Variants in GABRQ observed in about 807,000 individuals in gnomAD.
The protein encoded by GABRQ is gamma-aminobutyric acid type A receptor subunit theta, also known as gamma-aminobutyric acid receptor subunit theta.
In GABRQ, 19 loss-of-function variants were observed where a neutral mutation model predicts 30.5. That is an observed-to-expected ratio of 0.62 (90% CI 0.43 to 0.91). The LOEUF (loss-of-function observed/expected upper bound fraction) is 0.91, where lower values mean the gene tolerates loss of function less well. GABRQ is among the 40% of genes least tolerant of loss of function. GABRQ has a pLI of 0.00. For synonymous variants in GABRQ, 187 were observed against 210.2 expected (o/e 0.89, Z 0.95); for missense variants, 520 against 521.4 (o/e 1.00, Z 0.03).
At chrX:152,650,709 A>G (rs1432802442) in intron 7 of GABRQ, 129 bp downstream of exon 7, 2 of 526,085 alleles carry the variant, frequency 3.8e-6, no homozygotes, top group Non-Finnish European at 6.5e-6. Context: ...GATTTTTCCA[A>G]TAGACATTTG....
At position 152,653,154 on chromosome X, in the gene GABRQ, C is replaced by A. The variant is rs781968714; in HGVS notation, c.1772C>A (p.Thr591Asn). Reference sequence around the variant, plus strand: ...CCCCCAAGCCCTGGGTGCTCCTTCACTGAAGGGTTCTCCTTCGATCTCTTT... The same window carrying A: ...CCCCCAAGCCCTGGGTGCTCCTTCAATGAAGGGTTCTCCTTCGATCTCTTT... ...SCPPSPGCSFTEGFSFDLFNP... is the reference protein window; with the variant it reads ...SCPPSPGCSFNEGFSFDLFNP... Residue 591 changes from threonine (T) to asparagine (N), a missense_variant, in exon 9 of 9, where the codon ACT (threonine) becomes AAT (asparagine). Transcript: ENST00000598523. 26 of 1,211,127 alleles carry A rather than the reference C, an allele frequency of 2.1e-5. No homozygotes were observed. The South Asian group carries it at 3.7e-4, about 17-fold the overall frequency.
chrX:152,642,808 C>T (rs1930789867), intron 2 of GABRQ, among the ~76,000 whole-genome samples: 1 of 111,690 alleles, frequency 9.0e-6, no homozygotes, highest in Non-Finnish European at 1.9e-5. Context: ...TCATCCCCTC[C>T]CCACCCCCAT....
intron 2 of GABRQ, among the ~76,000 whole-genome samples, chrX:152,641,880 C>A: frequency 8.9e-6 from 1 of 111,948 alleles, no homozygotes; most frequent in South Asian, 3.7e-4. Flanking sequence ...TTTTGTCTTG[C>A]CTTTCTCACG....
chrX:152,640,556 G>A, intron 2 of GABRQ, 90 bp downstream of exon 2: 1 of 583,716 alleles, frequency 1.7e-6, no homozygotes, highest in Non-Finnish European at 3.1e-6. Flanking sequence ...GCTGACCAGT[G>A]GTATCCTGCG....
rs1286511142 is a variant in GABRQ, at chrX:152,638,079, CTT to C, written c.-122_-121del. 14 of 613,574 alleles carry C rather than the reference CTT, an allele frequency of 2.3e-5. No homozygotes were observed. Among genetic ancestry groups the C allele is most frequent in the Non-Finnish European group, 3.2e-5 (13 of 402,452 alleles). 50.6% of individuals were successfully genotyped at this position (613,574 alleles called of 1,213,427 possible). A position where few individuals can be genotyped will look rare whatever the true frequency, so the allele number is the denominator to read the frequency against. ...CGCTGCTCTCTCCTTAGAGGCGACT[CTT>C]TGGGGAAGGGCCAGCAATCCCGCCT... is the stretch of plus-strand genomic sequence containing the variant. On this transcript the variant is annotated 5_prime_UTR_variant, in exon 1 of 9. Coordinates refer to ENST00000598523, the MANE Select transcript of GABRQ (RefSeq NM_018558.4).
At position 152,651,582 on chromosome X, in the gene GABRQ, C is replaced by T. The variant is rs782392033; in HGVS notation, c.958C>T (p.Pro320Ser). The stretch of plus-strand genomic sequence containing the variant: ...CGACTCACATCTGCGGGATAAGCTC[C>T]CCAACATTTCCTGTATCAAGGCCAT... Reference protein sequence around the residue: ...TIDSHLRDKLPNISCIKAIDI... With the variant: ...TIDSHLRDKLSNISCIKAIDI... Residue 320 changes from proline to serine, a missense_variant, in exon 8 of 9, where the codon CCC (proline) becomes TCC (serine). Pro to Ser is a moderately conservative substitution (Grantham distance 74). Transcript: ENST00000598523. The T allele has an allele frequency of 4.1e-6, 5 of 1,205,530 alleles. No individual in the cohort carries two copies. In the Admixed American group the frequency reaches 1.1e-4, roughly 26 times the overall value.
At chrX:152,646,228 T>C (rs1431283668) in intron 3 of GABRQ, among the ~76,000 whole-genome samples, 3 of 112,427 alleles carry the variant, frequency 2.7e-5, no homozygotes, top group Non-Finnish European at 5.6e-5. Context: ...AAATAAAACC[T>C]GAATGAGAAC....
Position 152,655,605 on chromosome X carries a change from G to A in GABRQ, c.*2324G>A, listed in dbSNP as rs193212927. Reference sequence around the variant, plus strand: ...AAACAAGAAAGTTACCACTGGAAGAGCTAAAATTGCCTCTTTATTTTTGGA... The same window carrying A: ...AAACAAGAAAGTTACCACTGGAAGAACTAAAATTGCCTCTTTATTTTTGGA... On this transcript the variant is annotated 3_prime_UTR_variant, in exon 9 of 9. Coordinates refer to ENST00000598523, the MANE Select transcript of GABRQ (RefSeq NM_018558.4). 1 of 112,228 alleles carries A rather than the reference G, an allele frequency of 8.9e-6. No individual in the cohort carries two copies. The highest frequency in any genetic ancestry group is 2.8e-4 in the East Asian group (1 of 3,557). 9.2% of individuals were successfully genotyped at this position (112,228 alleles called of 1,213,427 possible).
rs782396610 is a variant in GABRQ, at chrX:152,652,854, A to G, written c.1472A>G (p.His491Arg). The G allele has an allele frequency of 1.1e-5, 13 of 1,209,644 alleles. No homozygotes were observed. In the African/African-American group the frequency reaches 1.7e-4, roughly 16 times the overall value. The change falls in exon 9 of 9, where the codon CAT becomes CGT. Residue 491 changes from histidine to arginine, a missense_variant. His to Arg is a conservative substitution (Grantham distance 29). Coordinates refer to ENST00000598523, the MANE Select transcript of GABRQ (RefSeq NM_018558.4). ...EIRNRVEAHG[H>R]GVTHDHEDSN... ...CGCAACCGTGTCGAAGCCCATGGCC[A>G]TGGTGTTACCCATGACCATGAAGAT...
intron 2 of GABRQ, among the ~76,000 whole-genome samples, chrX:152,642,722 G>C (rs1353558188): frequency 7.1e-5 from 8 of 112,077 alleles, no homozygotes; most frequent in Non-Finnish European, 1.5e-4. Context: ...GCCTTCCTGA[G>C]GGGGCAGGGT....
At position 152,651,616 on chromosome X, in the gene GABRQ, A is replaced by G. The variant is rs782136907; in HGVS notation, c.992A>G (p.Tyr331Cys). Residue 331 changes from tyrosine to cysteine, a missense_variant, in exon 8 of 9, where the codon TAT becomes TGT. Transcript: ENST00000598523. Reference protein sequence around the residue: ...NISCIKAIDIYILVCLFFVFL... With the variant: ...NISCIKAIDICILVCLFFVFL... ...TCCTGTATCAAGGCCATTGATATCT[A>G]TATCCTCGTGTGCTTGTTCTTTGTG... is the stretch of plus-strand genomic sequence containing the variant. 5.8e-6 allele frequency: 7 copies of G among 1,208,022 alleles called. No homozygotes were observed. The highest frequency in any genetic ancestry group is 7.8e-6 in the Non-Finnish European group (7 of 891,845).
Position 152,655,503 on chromosome X carries a change from G to A in GABRQ, c.*2222G>A, listed in dbSNP as rs1312548387. The A allele has an allele frequency of 5.3e-5, 6 of 112,767 alleles. No homozygotes were observed. Among genetic ancestry groups the A allele is most frequent in the Admixed American group, 3.7e-4 (4 of 10,674 alleles). 9.3% of individuals were successfully genotyped at this position (112,767 alleles called of 1,213,427 possible). A position where few individuals can be genotyped will look rare whatever the true frequency, so the allele number is the denominator to read the frequency against. On this transcript the variant is annotated 3_prime_UTR_variant, in exon 9 of 9. Coordinates refer to ENST00000598523, the MANE Select transcript of GABRQ (RefSeq NM_018558.4). ...TCGGGGTAACAGGCTGGGGAGTGAG[G>A]CTGAAAGAGGCATTGAGAATAGACA... is the stretch of plus-strand genomic sequence containing the variant.
intron 2 of GABRQ, among the ~76,000 whole-genome samples, chrX:152,645,133 G>A (rs1413367191): frequency 2.7e-5 from 3 of 111,757 alleles, no homozygotes; most frequent in Admixed American, 1.9e-4. Flanking sequence ...ACACACATGT[G>A]CTCCCACAAA....
intron 2 of GABRQ, among the ~76,000 whole-genome samples, chrX:152,642,161 G>C (rs1215016685): frequency 8.9e-6 from 1 of 111,806 alleles, no homozygotes; most frequent in Non-Finnish European, 1.9e-5. Context: ...AAACAGAAGG[G>C]GGCACCACAG....
chrX:152,652,421 CAA>C (rs1319015490), intron 8 of GABRQ, 118 bp from the exon 9 acceptor site: 2 of 636,905 alleles, frequency 3.1e-6, no homozygotes, highest in African/African-American at 4.5e-5. Flanking sequence ...CTCTATCTGT[CAA>C]AGAGATCAGT....
At chrX:152,651,399 TAAAG>T in intron 7 of GABRQ, 123 bp from the exon 8 acceptor site, 1 of 516,722 alleles carries the variant, frequency 1.9e-6, no homozygotes, top group Admixed American at 3.1e-5. Flanking sequence ...GGAAAAGGAA[TAAAG>T]AGAGAGCCGA....
Position 152,650,490 on chromosome X carries a change from C to G in GABRQ, c.811C>G (p.Gln271Glu). 8.3e-7 allele frequency: 1 copy of G among 1,199,083 alleles called. No individual in the cohort carries two copies. The highest frequency in any genetic ancestry group is 1.1e-6 in the Non-Finnish European group (1 of 884,003). Residue 271 changes from glutamine (Q) to glutamate (E), a missense_variant, in exon 7 of 9, where the codon CAA (glutamine) becomes GAA (glutamate). Gln to Glu is a conservative substitution (Grantham distance 29). Transcript: ENST00000598523. The stretch of plus-strand genomic sequence containing the variant: ...GAGGGAAGTTAACAGCTACCTTGTG[C>G]AAGTCTACTGGCCTACTGTCCTCAC... ...VQREVNSYLV[Q>E]VYWPTVLTTI...
At chrX:152,641,081 C>A (rs5925191) in intron 2 of GABRQ, among the ~76,000 whole-genome samples, 31,207 of 110,923 alleles carry the variant, frequency 0.28, 4,505 homozygotes, top group African/African-American at 0.57. Flanking sequence ...TCAGCCTAGT[C>A]CTCAGATCTC....
chrX:152,653,347 T>G lies in GABRQ; in HGVS notation c.*66T>G. On this transcript the variant is annotated 3_prime_UTR_variant, in exon 9 of 9. Transcript: ENST00000598523. ...TCCTTTCAGTTTCTTTTGGGTTTGT[T>G]TTTCCCTCTTTCCTTTGTTCCTTTT... is the stretch of plus-strand genomic sequence containing the variant. 1 of 807,715 alleles carries G rather than the reference T, an allele frequency of 1.2e-6. No individual in the cohort carries two copies. Among genetic ancestry groups the G allele is most frequent in the Non-Finnish European group, 1.8e-6 (1 of 560,421 alleles). The allele number at this position is 807,715 out of a possible 1,213,427, so 66.6% of individuals were successfully genotyped here.
Sources: allele counts gnomAD v4.1 joint callset (sites outside exome capture counted in the v4.1 genomes callset), GRCh38; gene constraint gnomAD v4.1.1; transcripts MANE v1.5; gene names NCBI Gene and HGNC (gene_info 2026-07-23, HGNC 2026-07-21).